Variants in DLGAP2 observed in about 807,000 individuals in gnomAD.
DLGAP2 encodes disks large-associated protein 2.
A neutral mutation model predicts 100.3 loss-of-function variants in DLGAP2; 26 were observed. The ratio of observed to expected loss-of-function variants is 0.26; its 90% CI spans 0.19 to 0.36. DLGAP2 has a LOEUF of 0.36. DLGAP2 is among the 10% of genes least tolerant of loss of function. The pLI is 1.00. For missense variants in DLGAP2, 1,858 were observed against 1,453.2 expected, an observed-to-expected ratio of 1.28 and a Z score of -4.53; for synonymous variants, 886 against 630.1, an observed-to-expected ratio of 1.41 and a Z score of -6.08.
chr8:1,044,790 C>G (rs982433565), intron 2 of DLGAP2, among the ~76,000 whole-genome samples: 3 of 152,190 alleles, frequency 2.0e-5, no homozygotes, highest in Non-Finnish European at 2.9e-5. Flanking sequence ...AAGAGCTACC[C>G]CAGATCTTAC....
In DLGAP2 at chr8:1,145,375, G is replaced by C. The variant is rs149616039; in HGVS notation, c.74-113476G>C. Among the ~76,000 whole-genome samples the C allele has an allele frequency of 2.6e-4, 40 of 152,284 alleles. 1 individual carries two copies. Among genetic ancestry groups the C allele is most frequent in the African/African-American group, 8.2e-4 (34 of 41,560 alleles). On this transcript the variant is annotated intron_variant, in intron 2 of 14. Coordinates refer to ENST00000637795, the MANE Select transcript of DLGAP2 (RefSeq NM_001346810.2). The stretch of plus-strand genomic sequence containing the variant: ...CCTGGAGCATGGGCTTGTTGGCTGC[G>C]GTTCCACTCGCCCAGCGTGGGGCCT...
intron 1 of DLGAP2, among the ~76,000 whole-genome samples, chr8:777,806 G>C (rs1034597579): frequency 1.3e-5 from 2 of 152,056 alleles, no homozygotes; most frequent in Non-Finnish European, 2.9e-5. Flanking sequence ...TTTTGACTTT[G>C]GTGAATCTGA....
intron 2 of DLGAP2, among the ~76,000 whole-genome samples, chr8:1,024,208 T>C (rs62488486): frequency 2.3e-3 from 120 of 52,174 alleles, no homozygotes; most frequent in Middle Eastern, 0.012. Flanking sequence ...AGGTAGACAC[T>C]CCAAACACCA....
At chr8:1,407,784 C>G (rs1202681723) in intron 3 of DLGAP2, among the ~76,000 whole-genome samples, 7 of 150,620 alleles carry the variant, frequency 4.6e-5, no homozygotes, top group Non-Finnish European at 8.9e-5. Context: ...TGAGCGCCAC[C>G]TCCTCATCCT....
At chr8:1,154,692 C>T (rs1796749538) in intron 2 of DLGAP2, among the ~76,000 whole-genome samples, 1 of 152,190 alleles carries the variant, frequency 6.6e-6, no homozygotes, top group Non-Finnish European at 1.5e-5. Context: ...CCAGGCCCCT[C>T]CGCAGTCGAG....
intron 2 of DLGAP2, among the ~76,000 whole-genome samples, chr8:1,175,294 A>T (rs1360459524): frequency 6.6e-6 from 1 of 152,222 alleles, no homozygotes; most frequent in Non-Finnish European, 1.5e-5. Context: ...AGTGCATTTC[A>T]TGGGGAAGAT....
chr8:1,320,344 C>T (rs149186952), intron 3 of DLGAP2, among the ~76,000 whole-genome samples: 267 of 152,160 alleles, frequency 1.8e-3, no homozygotes, highest in Non-Finnish European at 3.1e-3. Context: ...GGCCAGGACT[C>T]GAGGGAACCG....
At chr8:748,732 C>G (rs966862393) in intron 1 of DLGAP2, among the ~76,000 whole-genome samples, 7 of 152,196 alleles carry the variant, frequency 4.6e-5, no homozygotes, top group East Asian at 1.9e-4. Flanking sequence ...AGCACCTGCC[C>G]GCTCCTTAGA....
chr8:1,200,286 T>C (rs1797842567), intron 2 of DLGAP2, among the ~76,000 whole-genome samples: 1 of 152,192 alleles, frequency 6.6e-6, no homozygotes, highest in Admixed American at 6.5e-5. Context: ...GTCTCCAGCC[T>C]CTTGCTCCGG....
At chr8:1,552,136 C>T (rs1051621802) in intron 5 of DLGAP2, among the ~76,000 whole-genome samples, 2 of 152,220 alleles carry the variant, frequency 1.3e-5, no homozygotes, top group Admixed American at 6.5e-5. Flanking sequence ...CCTGCCCTGA[C>T]GCCACTGGCC....
intron 5 of DLGAP2, among the ~76,000 whole-genome samples, chr8:1,551,650 C>G (rs1316825666): frequency 6.6e-6 from 1 of 152,222 alleles, no homozygotes; most frequent in Non-Finnish European, 1.5e-5. Flanking sequence ...CCGTCAGCCC[C>G]TTTCAAAAAC....
intron 4 of DLGAP2, among the ~76,000 whole-genome samples, chr8:1,532,626 A>C (rs989232439): frequency 2.0e-5 from 3 of 152,234 alleles, no homozygotes; most frequent in African/African-American, 7.2e-5. Flanking sequence ...CATCCTAATC[A>C]TAACAGTATA....
intron 3 of DLGAP2, among the ~76,000 whole-genome samples, chr8:1,431,588 A>G (rs1293553453): frequency 6.6e-6 from 1 of 152,252 alleles, no homozygotes; most frequent in Non-Finnish European, 1.5e-5. Context: ...AGCACTGGCC[A>G]CATCCACCTG....
At chr8:1,172,881 C>G (rs547109471) in intron 2 of DLGAP2, among the ~76,000 whole-genome samples, 1 of 152,220 alleles carries the variant, frequency 6.6e-6, no homozygotes, top group Non-Finnish European at 1.5e-5. Flanking sequence ...TCTCTCATCT[C>G]GTCAAAGTCA....
intron 3 of DLGAP2, among the ~76,000 whole-genome samples, chr8:1,291,569 G>A (rs1015539693): frequency 5.9e-5 from 9 of 152,126 alleles, no homozygotes; most frequent in African/African-American, 1.9e-4. Context: ...TTCCTAATCC[G>A]GGGTGATTCT....
chr8:1,262,110 C>T (rs978985963), intron 3 of DLGAP2, among the ~76,000 whole-genome samples: 1 of 152,186 alleles, frequency 6.6e-6, no homozygotes, highest in Non-Finnish European at 1.5e-5. Flanking sequence ...TCTTTGGATA[C>T]AGATGGAATA....
In DLGAP2 at chr8:964,468, C is replaced by G. The variant is rs548774826; in HGVS notation, c.73+56502C>G. ...ACCCAGCCTTTTATTCAAAGCCTAT[C>G]GTAAGTCAAGAACAATTATTTCTAA... On this transcript the variant is annotated intron_variant, in intron 2 of 14. Transcript: ENST00000637795. Among the ~76,000 whole-genome samples, 5 of 152,358 alleles carry G rather than the reference C, an allele frequency of 3.3e-5. No individual in the cohort carries two copies. The East Asian group carries it at 7.7e-4, about 23-fold the overall frequency.
chr8:1,206,009 A>T (rs533576081), intron 2 of DLGAP2, among the ~76,000 whole-genome samples: 2 of 152,242 alleles, frequency 1.3e-5, no homozygotes, highest in South Asian at 4.2e-4. Context: ...GTGAAGAGTG[A>T]CCTTGGGGAT....
At chr8:885,254 ATGAG>A (rs1464037005) in intron 1 of DLGAP2, among the ~76,000 whole-genome samples, 2 of 152,222 alleles carry the variant, frequency 1.3e-5, no homozygotes, top group East Asian at 3.8e-4. Flanking sequence ...CTTCCTATCC[ATGAG>A]GATGGAATGT....
Sources: gnomAD v4.1 joint callset for allele counts (sites outside exome capture counted in the v4.1 genomes callset) on GRCh38, gnomAD v4.1.1 for gene constraint, MANE v1.5 for transcripts, NCBI Gene and HGNC (gene_info 2026-07-23, HGNC 2026-07-21) for gene names.